Variants in PRKN observed in about 807,000 individuals in gnomAD.
PRKN encodes parkin RBR E3 ubiquitin protein ligase.
Under a neutral mutation model 59.5 loss-of-function variants are expected in PRKN, and 56 were observed. That is an observed-to-expected ratio of 0.94 (90% CI 0.76 to 1.18). PRKN has a LOEUF of 1.18. Ranked by LOEUF, PRKN falls within the 50% of genes most tolerant of loss-of-function variation. The pLI, the probability that PRKN is intolerant of heterozygous loss-of-function variation, is 0.00. For synonymous variants in PRKN, 250 were observed against 222.1 expected (o/e 1.13, Z -1.12); for missense variants, 657 against 596.4 (o/e 1.10, Z -1.06).
intron 2 of PRKN, among the ~76,000 whole-genome samples, chr6:162,355,725 A>AAC (rs201337166): frequency 1.3e-5 from 2 of 151,746 alleles, no homozygotes; most frequent in Non-Finnish European, 2.9e-5. Context: ...AAAAAAAAAA[A>AAC]CATGGTCAAT....
At chr6:162,234,765 G>C (rs56306031) in intron 3 of PRKN, among the ~76,000 whole-genome samples, 14,022 of 152,222 alleles carry the variant, frequency 0.092, 876 homozygotes, top group South Asian at 0.26. Context: ...AAGAATAGAG[G>C]GCAGACTGTG....
chr6:161,858,350 T>C (rs972618198), intron 6 of PRKN, among the ~76,000 whole-genome samples: 1 of 152,188 alleles, frequency 6.6e-6, no homozygotes, highest in African/African-American at 2.4e-5. Flanking sequence ...TTCCTCTGCA[T>C]ATTTAACATT....
intron 6 of PRKN, among the ~76,000 whole-genome samples, chr6:161,815,678 C>G (rs3019427): frequency 1 from 151,909 of 152,308 alleles, 75,771 homozygotes; most frequent in Middle Eastern, 1. Context: ...ACTCCAGCCT[C>G]CTGCCTTCAG....
chr6:162,093,563 C>G (rs1478935765), intron 4 of PRKN, among the ~76,000 whole-genome samples: 1 of 152,176 alleles, frequency 6.6e-6, no homozygotes, highest in African/African-American at 2.4e-5. Context: ...TAGCCCATTA[C>G]TTTGGTTCAA....
At chr6:161,682,735 C>T (rs544021971) in intron 7 of PRKN, among the ~76,000 whole-genome samples, 7 of 152,146 alleles carry the variant, frequency 4.6e-5, no homozygotes, top group African/African-American at 9.7e-5. Context: ...AGCAGAGGGC[C>T]GCTCTGCAAG....
chr6:162,602,637 G>A (rs1781756915), intron 1 of PRKN, among the ~76,000 whole-genome samples: 1 of 152,192 alleles, frequency 6.6e-6, no homozygotes, highest in South Asian at 2.1e-4. Flanking sequence ...GGTTAGAGAA[G>A]TTGTTGGTCC....
At chr6:161,773,291 C>A (rs1789772576) in intron 7 of PRKN, among the ~76,000 whole-genome samples, 1 of 152,130 alleles carries the variant, frequency 6.6e-6, no homozygotes, top group Non-Finnish European at 1.5e-5. Flanking sequence ...ATTTAAAGGT[C>A]AATTAGTATT....
intron 9 of PRKN, among the ~76,000 whole-genome samples, chr6:161,464,781 C>T (rs1226436788): frequency 6.6e-6 from 1 of 152,224 alleles, no homozygotes; most frequent in Non-Finnish European, 1.5e-5. Flanking sequence ...ATACAGGCCC[C>T]TAAGGTCTCT....
chr6:161,378,544 G>T lies in PRKN; in HGVS notation c.1167+8250C>A, dbSNP rs554136796. On this transcript the variant is annotated intron_variant, in intron 10 of 11. Transcript: ENST00000366898. This position sits in a 1 kb window ranked among gnomAD's most constrained non-coding sequence, Gnocchi z 7.3. ...TGACAGGAAGTGACTCCTTTTCTGG[G>T]TGTGGGTTTGCCTTTCTTGGCAACA... Among the ~76,000 whole-genome samples the T allele has an allele frequency of 2.0e-5, 3 of 152,318 alleles. No homozygotes were observed. Among genetic ancestry groups the T allele is most frequent in the African/African-American group, 7.2e-5 (3 of 41,574 alleles).
chr6:161,878,684 C>A (rs941551281), intron 6 of PRKN, among the ~76,000 whole-genome samples: 1 of 152,138 alleles, frequency 6.6e-6, no homozygotes, highest in Admixed American at 6.6e-5. Context: ...GGGCCCTCTG[C>A]AACTCAAAGG....
chr6:162,122,814 G>A (rs1040992810), intron 4 of PRKN, among the ~76,000 whole-genome samples: 23 of 151,910 alleles, frequency 1.5e-4, no homozygotes, highest in African/African-American at 5.6e-4. Context: ...AATATATGGT[G>A]CTGCTTCTCT....
At chr6:162,183,286 G>A (rs1783879473) in intron 4 of PRKN, among the ~76,000 whole-genome samples, 1 of 152,160 alleles carries the variant, frequency 6.6e-6, no homozygotes, top group South Asian at 2.1e-4. Context: ...GGCATTGGGA[G>A]TTCTTCTGCT....
intron 1 of PRKN, among the ~76,000 whole-genome samples, chr6:162,515,312 A>G (rs1409440968): frequency 2.0e-5 from 3 of 152,088 alleles, no homozygotes; most frequent in Non-Finnish European, 1.5e-5. Context: ...TGAACTCCTG[A>G]CCTCAGGTGA....
chr6:162,363,371 T>A (rs1769080655), intron 2 of PRKN, among the ~76,000 whole-genome samples: 1 of 80,070 alleles, frequency 1.2e-5, no homozygotes, highest in South Asian at 3.3e-4. Flanking sequence ...CCCCTTTCTG[T>A]AGGAAAAAAA....
chr6:162,650,366 G>A (rs1182961639), intron 1 of PRKN, among the ~76,000 whole-genome samples: 1 of 151,950 alleles, frequency 6.6e-6, no homozygotes, highest in Non-Finnish European at 1.5e-5. Context: ...GGGAGGCCGA[G>A]GCGGGCGGAT....
chr6:161,673,751 T>C (rs1352398180), intron 7 of PRKN, among the ~76,000 whole-genome samples: 1 of 152,056 alleles, frequency 6.6e-6, no homozygotes, highest in African/African-American at 2.4e-5. Flanking sequence ...GGTCAGATTG[T>C]GGAAGGTGTT....
intron 6 of PRKN, among the ~76,000 whole-genome samples, chr6:161,858,027 C>A (rs1291757091): frequency 1.3e-5 from 2 of 152,172 alleles, no homozygotes; most frequent in African/African-American, 4.8e-5. Flanking sequence ...TATGAATTGG[C>A]TGTTTAAAAA....
intron 1 of PRKN, among the ~76,000 whole-genome samples, chr6:162,541,197 G>A (rs80340488): frequency 0.087 from 13,263 of 152,244 alleles, 730 homozygotes; most frequent in South Asian, 0.18. Context: ...TTGCCCTCAT[G>A]TGGGGAGACA....
At chr6:162,309,658 G>T (rs1361360870) in intron 2 of PRKN, among the ~76,000 whole-genome samples, 3 of 145,964 alleles carry the variant, frequency 2.1e-5, no homozygotes, top group Non-Finnish European at 2.9e-5. Flanking sequence ...AAGTTGTACT[G>T]TTGAAATTAT....
Sources: gnomAD v4.1 joint callset for allele counts (sites outside exome capture counted in the v4.1 genomes callset) on GRCh38, gnomAD v4.1.1 for gene constraint, Gnocchi (gnomAD v3.1) non-coding constraint, MANE v1.5 for transcripts, NCBI Gene and HGNC (gene_info 2026-07-23, HGNC 2026-07-21) for gene names.